Variants in ARHGAP6 observed in about 807,000 individuals in gnomAD.
ARHGAP6 encodes the protein rho GTPase-activating protein 6.
A neutral mutation model predicts 55.7 loss-of-function variants in ARHGAP6; 16 were observed. The observed-to-expected ratio is 0.29, with a 90% CI of 0.19 to 0.44. ARHGAP6 has a LOEUF of 0.44. Ranked by LOEUF, ARHGAP6 falls within the 20% of genes least tolerant of loss-of-function variation. The pLI is 1.00. For missense variants in ARHGAP6, 698 were observed against 808.9 expected (o/e 0.86, Z 1.66); for synonymous variants, 382 against 360.9 (o/e 1.06, Z -0.66).
chrX:11,184,133 T>TAAAG (rs1273241752), intron 5 of ARHGAP6, among the ~76,000 whole-genome samples: 1 of 112,510 alleles, frequency 8.9e-6, no homozygotes, highest in Non-Finnish European at 1.9e-5. Flanking sequence ...TCCCAGTATA[T>TAAAG]AAAGATTGTT....
intron 2 of ARHGAP6, among the ~76,000 whole-genome samples, chrX:11,220,300 C>G (rs985085881): frequency 1.8e-5 from 2 of 110,903 alleles, no homozygotes; most frequent in Non-Finnish European, 3.8e-5. Flanking sequence ...AGATACTCCT[C>G]GAGAAGAGCA....
At chrX:11,542,710 C>T (rs1440172490) in intron 1 of ARHGAP6, among the ~76,000 whole-genome samples, 3 of 111,116 alleles carry the variant, frequency 2.7e-5, no homozygotes, top group East Asian at 2.8e-4. Flanking sequence ...GATGGAAGGG[C>T]GTAAGTGCTG....
intron 1 of ARHGAP6, among the ~76,000 whole-genome samples, chrX:11,340,871 T>C (rs938793103): frequency 8.9e-6 from 1 of 111,990 alleles, no homozygotes; most frequent in South Asian, 3.7e-4. Flanking sequence ...ATGTCAGTCT[T>C]GTTCACCATT....
intron 1 of ARHGAP6, among the ~76,000 whole-genome samples, chrX:11,389,287 T>C (rs2049372789): frequency 8.9e-6 from 1 of 112,306 alleles, no homozygotes. Flanking sequence ...AATAACTCTC[T>C]ATTGATACTC....
At chrX:11,185,178 G>GTT (rs1555966909) in intron 5 of ARHGAP6, among the ~76,000 whole-genome samples, 2 of 106,614 alleles carry the variant, frequency 1.9e-5, no homozygotes, top group Non-Finnish European at 3.9e-5. Context: ...GTGTGTGTGT[G>GTT]TATGTGTGTG....
intron 1 of ARHGAP6, among the ~76,000 whole-genome samples, chrX:11,609,203 T>C (rs752618623): frequency 2.7e-5 from 3 of 111,677 alleles, no homozygotes; most frequent in East Asian, 5.6e-4. Context: ...AAGAAGACCC[T>C]GGAGAAGTAT....
At chrX:11,585,035 G>T (rs1332812296) in intron 1 of ARHGAP6, among the ~76,000 whole-genome samples, 1 of 111,606 alleles carries the variant, frequency 9.0e-6, no homozygotes, top group Non-Finnish European at 1.9e-5. Flanking sequence ...TACAGTATTT[G>T]GTTTTCTGCT....
intron 8 of ARHGAP6, among the ~76,000 whole-genome samples, chrX:11,172,430 T>C (rs906324537): frequency 7.1e-5 from 8 of 111,976 alleles, no homozygotes; most frequent in African/African-American, 9.7e-5. Context: ...CATTTTCAAA[T>C]TCCTCCCTTT....
chrX:11,224,011 T>C (rs2047009870), intron 2 of ARHGAP6, among the ~76,000 whole-genome samples: 1 of 112,249 alleles, frequency 8.9e-6, no homozygotes, highest in South Asian at 3.7e-4. Context: ...CATTACTCCC[T>C]TGCTACTTTA....
chrX:11,655,111 C>T (rs2052624185), intron 1 of ARHGAP6, among the ~76,000 whole-genome samples: 2 of 111,959 alleles, frequency 1.8e-5, no homozygotes, highest in African/African-American at 6.5e-5. Flanking sequence ...TTTGCCTATT[C>T]TAGACATTTC....
intron 1 of ARHGAP6, among the ~76,000 whole-genome samples, chrX:11,372,532 G>A (rs1397898524): frequency 9.1e-6 from 1 of 110,255 alleles, no homozygotes; most frequent in Non-Finnish European, 1.9e-5. Flanking sequence ...CAGCACTTTG[G>A]GAGGCCGAGG....
intron 1 of ARHGAP6, among the ~76,000 whole-genome samples, chrX:11,276,518 C>T (rs1007021996): frequency 9.1e-6 from 1 of 109,685 alleles, no homozygotes; most frequent in Non-Finnish European, 1.9e-5. Flanking sequence ...AGTAAAAATG[C>T]AAAAAAAAGA....
chrX:11,567,026 C>T (rs1025587197), intron 1 of ARHGAP6, among the ~76,000 whole-genome samples: 1 of 112,152 alleles, frequency 8.9e-6, no homozygotes. Flanking sequence ...CAGACAAACA[C>T]ATCAGTGCAC....
At chrX:11,209,596 T>C (rs1331852324) in intron 2 of ARHGAP6, among the ~76,000 whole-genome samples, 11 of 112,943 alleles carry the variant, frequency 9.7e-5, no homozygotes, top group African/African-American at 3.5e-4. Context: ...TTTTGTTTTA[T>C]AATGTGAAAA....
At chrX:11,525,128 T>C (rs955619176) in intron 1 of ARHGAP6, among the ~76,000 whole-genome samples, 2 of 111,832 alleles carry the variant, frequency 1.8e-5, no homozygotes, top group Non-Finnish European at 3.8e-5. Flanking sequence ...GTACCGGTAC[T>C]GGTCCATGAC....
intron 1 of ARHGAP6, among the ~76,000 whole-genome samples, chrX:11,591,912 A>T (rs2051839620): frequency 8.9e-6 from 1 of 112,111 alleles, no homozygotes; most frequent in Admixed American, 9.5e-5. Flanking sequence ...AGTATGATTC[A>T]TTTCCTGTTC....
chrX:11,337,536 G>C (rs2048654564), intron 1 of ARHGAP6, among the ~76,000 whole-genome samples: 1 of 112,255 alleles, frequency 8.9e-6, no homozygotes, highest in Non-Finnish European at 1.9e-5. Context: ...TCAAAAACAA[G>C]AGCAGCCCAA....
At position 11,201,889 on chromosome X, in the gene ARHGAP6, T is replaced by C. The variant is rs1373138165; in HGVS notation, c.749-4893A>G. ...AACTACAATACAAGATGAGAGTGGG[T>C]GGGGAATATAACCCAACCATATCAG... On this transcript the variant is annotated intron_variant, in intron 2 of 12. Transcript: ENST00000337414. Among the ~76,000 whole-genome samples the C allele has an allele frequency of 2.7e-5, 3 of 110,342 alleles. No individual in the cohort carries two copies. The East Asian group carries it at 8.5e-4, about 31-fold the overall frequency.
intron 1 of ARHGAP6, among the ~76,000 whole-genome samples, chrX:11,610,692 T>C (rs1475296377): frequency 2.7e-5 from 3 of 112,372 alleles, no homozygotes; most frequent in African/African-American, 6.5e-5. Context: ...TCACATATGA[T>C]ACATATGATA....
Sources: gnomAD v4.1 joint callset for allele counts (sites outside exome capture counted in the v4.1 genomes callset) on GRCh38, gnomAD v4.1.1 for gene constraint, MANE v1.5 for transcripts, NCBI Gene and HGNC (gene_info 2026-07-23, HGNC 2026-07-21) for gene names.